EZR: variants seen among roughly 807,000 people sequenced by gnomAD.
EZR encodes the protein ezrin, also known as cytovillin 2.
EZR carries 40 observed loss-of-function variants against 74.8 expected under a neutral mutation model. The observed-to-expected ratio is 0.53, with a 90% CI of 0.42 to 0.70. The LOEUF is 0.70. EZR is among the 30% of genes least tolerant of loss of function. The probability of loss-of-function intolerance (pLI) is 0.00; values close to 1 mark genes in which losing one functional copy is unlikely to be tolerated. For synonymous variants in EZR, 341 were observed against 283.3 expected (o/e 1.20, Z -2.05); for missense variants, 678 against 755.8 (o/e 0.90, Z 1.21).
At chr6:158,770,649 C>T (rs921625277) in intron 10 of EZR, 115 bp downstream of exon 10, 12 of 1,201,584 alleles carry the variant, frequency 1.0e-5, no homozygotes, top group African/African-American at 7.5e-5. Context: ...TGTGAGTCTG[C>T]GCTGTGGGAC....
At chr6:158,815,798 T>C (rs1391365614) in intron 2 of EZR, among the ~76,000 whole-genome samples, 1 of 152,232 alleles carries the variant, frequency 6.6e-6, no homozygotes, top group Admixed American at 6.5e-5. Context: ...AAAATTTTAA[T>C]TGTAGATATT....
chr6:158,803,650 T>C lies in EZR; in HGVS notation c.13-14279A>G, dbSNP rs1460281373. On this transcript the variant is annotated intron_variant, in intron 2 of 13. Coordinates refer to ENST00000367075, the MANE Select transcript of EZR (RefSeq NM_001111077.2). Reference sequence around the variant, plus strand: ...ACATATACATACATATATATATATATATACATATATATATATAAAATATAC... The same window carrying C: ...ACATATACATACATATATATATATACATACATATATATATATAAAATATAC... Among the ~76,000 whole-genome samples, 42 of 60,862 alleles carry C rather than the reference T, an allele frequency of 6.9e-4. 2 individuals are homozygous for C. Among genetic ancestry groups the C allele is most frequent in the Admixed American group, 2.9e-3 (17 of 5,928 alleles). 39.9% of individuals were successfully genotyped at this position (60,862 alleles called of 152,430 possible). A position where few individuals can be genotyped will look rare whatever the true frequency, so the allele number is the denominator to read the frequency against.
rs772879132 is a variant in EZR at position 158,770,828 on chromosome 6, G to A, written c.1026C>T (p.Arg342=). 1.8e-5 allele frequency: 29 copies of A among 1,613,948 alleles called. No homozygotes were observed. The South Asian group carries it at 1.9e-4, about 10-fold the overall frequency. Residue 342 remains arginine, a synonymous_variant, in exon 10 of 14, where the codon CGC becomes CGT. Coordinates refer to ENST00000367075, the MANE Select transcript of EZR (RefSeq NM_001111077.2). The part of the protein sequence containing the change: ...TVEREKEQMM[R]EKEELMLRLQ... Reference sequence around the variant, plus strand: ...GCCGCAGCATCAACTCCTCCTTCTCGCGCATCATCTGCTCTTTCTCTCTCT... The same window carrying A: ...GCCGCAGCATCAACTCCTCCTTCTCACGCATCATCTGCTCTTTCTCTCTCT...
intron 2 of EZR, among the ~76,000 whole-genome samples, chr6:158,794,301 TACCACCAGCACC>T (rs1562500366): frequency 6.6e-6 from 1 of 151,964 alleles, no homozygotes; most frequent in Non-Finnish European, 1.5e-5. Flanking sequence ...CCACCAGCAC[TACCACCAGCACC>T]AGCACCAGCA....
chr6:158,784,146 G>A (rs1471795589), intron 6 of EZR, among the ~76,000 whole-genome samples: 1 of 152,182 alleles, frequency 6.6e-6, no homozygotes, highest in Non-Finnish European at 1.5e-5. Flanking sequence ...GCAAGACTAG[G>A]CCAGAGACAA....
chr6:158,818,274 C>G, intron 1 of EZR, 108 bp from the exon 2 acceptor site: 1 of 490,360 alleles, frequency 2.0e-6, no homozygotes, highest in South Asian at 3.5e-5. Context: ...ACCGGCCAGC[C>G]CGGGCCCGGG....
In EZR at chr6:158,766,382, G is replaced by GT. The variant is rs1194040542; in HGVS notation, c.*531dup. On this transcript the variant is annotated 3_prime_UTR_variant, in exon 14 of 14. Transcript: ENST00000367075. ...GATCACTGTGCTCTCTGCCAGCTGC[G>GT]TGGAGTGACGGGAGGAGGGAATCAC... The GT allele has an allele frequency of 6.6e-6, 1 of 152,492 alleles. No individual in the cohort carries two copies. Among genetic ancestry groups the GT allele is most frequent in the Non-Finnish European group, 1.5e-5 (1 of 68,310 alleles). The allele number at this position is 152,492 out of a possible 1,614,324, so 9.4% of individuals were successfully genotyped here.
At chr6:158,817,942 A>C in intron 2 of EZR, 140 bp downstream of exon 2, 18 of 709,168 alleles carry the variant, frequency 2.5e-5, no homozygotes, top group Non-Finnish European at 3.0e-5. Flanking sequence ...AGAGCGGCGA[A>C]AACCTCCTCC....
intron 7 of EZR, among the ~76,000 whole-genome samples, chr6:158,782,401 T>G (rs1231012099): frequency 6.6e-6 from 1 of 152,134 alleles, no homozygotes; most frequent in Non-Finnish European, 1.5e-5. Flanking sequence ...GATGTGGGGA[T>G]GCTGAGAACA....
intron 3 of EZR, among the ~76,000 whole-genome samples, chr6:158,788,966 C>CAGCA (rs1318213485): frequency 6.6e-6 from 1 of 152,142 alleles, no homozygotes; most frequent in Non-Finnish European, 1.5e-5. Context: ...ACACACAGGC[C>CAGCA]AGCACCTCCT....
chr6:158,795,057 C>G (rs766039965), intron 2 of EZR, among the ~76,000 whole-genome samples: 1 of 151,790 alleles, frequency 6.6e-6, no homozygotes, highest in Non-Finnish European at 1.5e-5. Context: ...TCAAGACCAG[C>G]GCTGGCCAAC....
intron 2 of EZR, 185 bp downstream of exon 2, chr6:158,817,890 GGTGTTTT>G: frequency 4.3e-6 from 2 of 464,662 alleles, no homozygotes; most frequent in East Asian, 6.5e-5. Context: ...GCATCAAAAT[GGTGTTTT>G]CCTAACGCTC....
chr6:158,795,742 T>G (rs993533737), intron 2 of EZR, among the ~76,000 whole-genome samples: 12 of 152,170 alleles, frequency 7.9e-5, no homozygotes, highest in African/African-American at 2.9e-4. Context: ...AGCCTCACCA[T>G]CAGAATCCCC....
At chr6:158,799,811 A>T (rs1180606438) in intron 2 of EZR, among the ~76,000 whole-genome samples, 1 of 152,246 alleles carries the variant, frequency 6.6e-6, no homozygotes, top group Non-Finnish European at 1.5e-5. Flanking sequence ...GGTTTTTTTA[A>T]AGCTCTTCTT....
chr6:158,784,289 A>G, intron 6 of EZR, among the ~76,000 whole-genome samples: 1 of 152,240 alleles, frequency 6.6e-6, no homozygotes, highest in East Asian at 1.9e-4. Flanking sequence ...TTGTAAGACA[A>G]GTACCTTCAT....
At chr6:158,774,049 G>C (rs572133268) in intron 8 of EZR, among the ~76,000 whole-genome samples, 1 of 152,362 alleles carries the variant, frequency 6.6e-6, no homozygotes, top group East Asian at 1.9e-4. Context: ...AGACTCATTT[G>C]TGAGTTCACA....
chr6:158,784,333 A>T (rs549574094), intron 6 of EZR, among the ~76,000 whole-genome samples: 8 of 152,242 alleles, frequency 5.3e-5, no homozygotes, highest in Non-Finnish European at 1.0e-4. Flanking sequence ...TTGACAGAAT[A>T]ATGCTGATTG....
At chr6:158,818,054 C>G (rs941469118) in intron 2 of EZR, 28 bp downstream of exon 2, 2 of 1,607,344 alleles carry the variant, frequency 1.2e-6, no homozygotes, top group Non-Finnish European at 1.7e-6. Flanking sequence ...CTCTCCCGTC[C>G]GCCCGGCCCA....
chr6:158,798,034 A>G (rs186598824), intron 2 of EZR, among the ~76,000 whole-genome samples: 1 of 152,236 alleles, frequency 6.6e-6, no homozygotes, highest in Non-Finnish European at 1.5e-5. Context: ...TTCTGTCTCT[A>G]AGGAATGGCC....
Sources: gnomAD v4.1 joint callset for allele counts (sites outside exome capture counted in the v4.1 genomes callset) on GRCh38, gnomAD v4.1.1 for gene constraint, MANE v1.5 for transcripts, NCBI Gene and HGNC (gene_info 2026-07-23, HGNC 2026-07-21) for gene names.